The following HHIP variants were observed in gnomAD, a reference collection of about 807,000 sequenced individuals.
HHIP encodes the protein hedgehog interacting protein, also known as hedgehog-interacting protein.
Under a neutral mutation model 74.0 loss-of-function variants are expected in HHIP, and 12 were observed. The ratio of observed to expected loss-of-function variants is 0.16; its 90% CI spans 0.10 to 0.26. The LOEUF (loss-of-function observed/expected upper bound fraction) is 0.26. Among genes scored for constraint, HHIP ranks in the 10% least tolerant of loss-of-function variants. The probability of loss-of-function intolerance (pLI) is 1.00; values close to 1 mark genes in which losing one functional copy is unlikely to be tolerated. For synonymous variants in HHIP, 309 were observed against 311.6 expected (o/e 0.99, Z 0.09); for missense variants, 788 against 845.0 (o/e 0.93, Z 0.84).
At chr4:144,730,394 T>C (rs912664958) in intron 11 of HHIP, among the ~76,000 whole-genome samples, 3 of 152,184 alleles carry the variant, frequency 2.0e-5, no homozygotes, top group African/African-American at 2.4e-5. Context: ...GCTATGGGGA[T>C]AGCTGTCAAC....
intron 4 of HHIP, among the ~76,000 whole-genome samples, chr4:144,670,764 GAAAAAAAAA>G (rs1167213848): frequency 5.5e-5 from 3 of 54,890 alleles, no homozygotes; most frequent in African/African-American, 2.2e-4. Context: ...CTTAAGATTT[GAAAAAAAAA>G]AAAAAAAAAA....
At chr4:144,694,345 C>T (rs956230302) in intron 4 of HHIP, among the ~76,000 whole-genome samples, 3 of 148,240 alleles carry the variant, frequency 2.0e-5, no homozygotes, top group African/African-American at 5.0e-5. Flanking sequence ...TTTTTTTTTT[C>T]AAGGTTTCTT....
chr4:144,718,699 T>C (rs1730539999), intron 10 of HHIP, among the ~76,000 whole-genome samples, 176 bp from the exon 11 acceptor site: 1 of 152,118 alleles, frequency 6.6e-6, no homozygotes, highest in Non-Finnish European at 1.5e-5. Flanking sequence ...GACTGGAATC[T>C]GGAATTCTGG....
At chr4:144,683,964 G>A (rs1024257259) in intron 4 of HHIP, among the ~76,000 whole-genome samples, 1 of 151,846 alleles carries the variant, frequency 6.6e-6, no homozygotes, top group Non-Finnish European at 1.5e-5. Context: ...TTGGGAGGCT[G>A]AGGCAGGAGA....
At chr4:144,705,559 G>T (rs1730110851) in intron 4 of HHIP, among the ~76,000 whole-genome samples, 2 of 152,034 alleles carry the variant, frequency 1.3e-5, no homozygotes, top group Admixed American at 1.3e-4. Context: ...GAACTTTAAG[G>T]CTCTGATCTA....
At chr4:144,681,421 C>CTTTTTT (rs139951678) in intron 4 of HHIP, among the ~76,000 whole-genome samples, 3 of 101,448 alleles carry the variant, frequency 3.0e-5, no homozygotes, top group Non-Finnish European at 3.9e-5. Flanking sequence ...TTGCAGAGTT[C>CTTTTTT]TTTTTTTTTT....
chr4:144,731,790 TGAA>T (rs982163045), intron 11 of HHIP, among the ~76,000 whole-genome samples: 1 of 152,188 alleles, frequency 6.6e-6, no homozygotes, highest in Non-Finnish European at 1.5e-5. Context: ...TATGAATACT[TGAA>T]GAAGATAAAA....
intron 4 of HHIP, among the ~76,000 whole-genome samples, chr4:144,684,279 G>T (rs1278688953): frequency 1.8e-5 from 1 of 55,942 alleles, no homozygotes; most frequent in Non-Finnish European, 3.0e-5. Context: ...TTTTTTTTGA[G>T]ACGGAGTCTC....
At chr4:144,651,937 C>A (rs1728439297) in intron 1 of HHIP, among the ~76,000 whole-genome samples, 1 of 151,944 alleles carries the variant, frequency 6.6e-6, no homozygotes, top group South Asian at 2.1e-4. Flanking sequence ...ATATAACATA[C>A]CTGAGGACCT....
rs1729168845 is a variant in HHIP, at chr4:144,676,394, T to A, written c.831+16556T>A. Among the ~76,000 whole-genome samples the A allele has an allele frequency of 2.6e-5, 4 of 152,242 alleles. No homozygotes were observed. The South Asian group carries it at 8.3e-4, about 32-fold the overall frequency. ...CCAAAAGCATTTGTTCATCATCATG[T>A]ACATTTCTACTTAGATATGGCTAGG... On this transcript the variant is annotated intron_variant, in intron 4 of 12. Coordinates refer to ENST00000296575, the MANE Select transcript of HHIP (RefSeq NM_022475.3).
intron 4 of HHIP, chr4:144,685,498 T>A (rs1170811569): frequency 6.6e-6 from 1 of 152,204 alleles, no homozygotes; most frequent in Non-Finnish European, 1.5e-5. Context: ...ACAAAAACAT[T>A]TGAAAAATTG....
At chr4:144,649,309 G>A (rs369910586) in intron 1 of HHIP, among the ~76,000 whole-genome samples, 3 of 152,110 alleles carry the variant, frequency 2.0e-5, no homozygotes, top group Admixed American at 6.5e-5. Flanking sequence ...CCTACAGGAA[G>A]AAATTTCTTA....
intron 4 of HHIP, among the ~76,000 whole-genome samples, chr4:144,664,222 T>C: frequency 6.6e-6 from 1 of 152,188 alleles, no homozygotes; most frequent in East Asian, 1.9e-4. Flanking sequence ...GGAGAGGACG[T>C]GAGGCTGAAA....
chr4:144,709,823 G>T (rs1730241425), intron 7 of HHIP, among the ~76,000 whole-genome samples: 1 of 152,076 alleles, frequency 6.6e-6, no homozygotes, highest in South Asian at 2.1e-4. Flanking sequence ...TGAGAAAAAG[G>T]TATAGACATT....
chr4:144,692,338 C>A (rs542720120), intron 4 of HHIP, among the ~76,000 whole-genome samples: 1 of 152,054 alleles, frequency 6.6e-6, no homozygotes, highest in Non-Finnish European at 1.5e-5. Flanking sequence ...CCTCAGATAC[C>A]GAAAATTCTC....
At chr4:144,682,992 AAG>A (rs938832196) in intron 4 of HHIP, among the ~76,000 whole-genome samples, 4 of 152,256 alleles carry the variant, frequency 2.6e-5, no homozygotes, top group South Asian at 2.1e-4. Flanking sequence ...GATTTAAGCA[AAG>A]AGAGAAAGAA....
intron 12 of HHIP, among the ~76,000 whole-genome samples, chr4:144,737,037 C>A (rs534061302): frequency 1.1e-4 from 17 of 152,234 alleles, no homozygotes; most frequent in Non-Finnish European, 1.3e-4. Context: ...TTTATATACC[C>A]AATTTTATGT....
chr4:144,719,911 A>G (rs758775541), intron 11 of HHIP, among the ~76,000 whole-genome samples: 2 of 152,204 alleles, frequency 1.3e-5, no homozygotes, highest in Non-Finnish European at 2.9e-5. Flanking sequence ...GCACTTTAAA[A>G]TATTCTTTCT....
In HHIP at chr4:144,742,318, A is replaced by T. The variant is rs1278614514; in HGVS notation, c.*4361A>T. 6.6e-6 allele frequency: 1 copy of T among 152,152 alleles called. No individual in the cohort carries two copies. Among genetic ancestry groups the T allele is most frequent in the East Asian group, 1.9e-4 (1 of 5,188 alleles). The allele number at this position is 152,152 out of a possible 1,614,324, so 9.4% of individuals were successfully genotyped here. ...TAATAGTGGATAGTAAACAAATGAC[A>T]TACTAGGCTGATCTATTACAATCAT... is the stretch of plus-strand genomic sequence containing the variant. On this transcript the variant is annotated 3_prime_UTR_variant, in exon 13 of 13. Transcript: ENST00000296575.
Sources: gnomAD v4.1 joint callset for allele counts (sites outside exome capture counted in the v4.1 genomes callset) on GRCh38, gnomAD v4.1.1 for gene constraint, MANE v1.5 for transcripts, NCBI Gene and HGNC (gene_info 2026-07-23, HGNC 2026-07-21) for gene names.